GNB1: variants seen among roughly 807,000 people sequenced by gnomAD.
GNB1 encodes G protein subunit beta 1.
In GNB1, 2 loss-of-function variants were observed where a neutral mutation model predicts 42.9. The ratio of observed to expected loss-of-function variants is 0.05; its 90% CI spans 0.02 to 0.15. The LOEUF is 0.15. Ranked by LOEUF, GNB1 falls within the 10% of genes least tolerant of loss-of-function variation. The pLI is 1.00. For synonymous variants in GNB1, 183 were observed against 174.7 expected (o/e 1.05, Z -0.38); for missense variants, 193 against 462.2 (o/e 0.42, Z 5.34).
intron 3 of GNB1, among the ~76,000 whole-genome samples, chr1:1,819,995 G>A (rs1646909695): frequency 6.6e-6 from 1 of 152,146 alleles, no homozygotes; most frequent in South Asian, 2.1e-4. Flanking sequence ...CAGGCTTTTG[G>A]GGCAAACTGC....
chr1:1,804,530 G>A lies in GNB1; in HGVS notation c.319C>T (p.Pro107Ser). Residue 107 changes from proline (P) to serine (S), a missense_variant, in exon 7 of 12, where the codon CCT becomes TCT. Physicochemically the swap from Pro to Ser is moderately conservative, Grantham distance 74. Coordinates refer to ENST00000378609, the MANE Select transcript of GNB1 (RefSeq NM_002074.5). ...CCGCAGGCCACATAGTTCCCAGAAG[G>A]GGCATATGCACAGGTCATGACCCAG... ...SSWVMTCAYAPSGNYVACGGL... is the reference protein window; with the variant it reads ...SSWVMTCAYASSGNYVACGGL... 6.2e-7 allele frequency: 1 copy of A among 1,613,592 alleles called. No individual in the cohort carries two copies. The highest frequency in any genetic ancestry group is 8.5e-7 in the Non-Finnish European group (1 of 1,179,626).
intron 1 of GNB1, among the ~76,000 whole-genome samples, chr1:1,869,591 C>T (rs141554517): frequency 5.1e-4 from 78 of 152,278 alleles, no homozygotes; most frequent in Non-Finnish European, 7.4e-4. Flanking sequence ...CAGGAAAAAA[C>T]AAGGAGGTGG....
chr1:1,884,746 G>A (rs547122689), intron 1 of GNB1, among the ~76,000 whole-genome samples: 20 of 151,398 alleles, frequency 1.3e-4, no homozygotes, highest in Admixed American at 3.9e-4. Flanking sequence ...GCAGTGGCGC[G>A]ATCTCCACTC....
In GNB1 at chr1:1,787,209, C is replaced by A; in HGVS notation, c.*9+113G>T. On this transcript the variant is annotated intron_variant, in intron 11 of 11. Coordinates refer to ENST00000378609, the MANE Select transcript of GNB1 (RefSeq NM_002074.5). This position sits in a 1 kb window ranked among gnomAD's most constrained non-coding sequence, Gnocchi z 4.4. ...GTAAACGTTTCCCACAACACAATTC[C>A]AAATCAATGCTACATCAACATTTAT... 1 of 684,722 alleles carries A rather than the reference C, an allele frequency of 1.5e-6. No individual in the cohort carries two copies. Among genetic ancestry groups the A allele is most frequent in the Non-Finnish European group, 2.6e-6 (1 of 388,426 alleles). The allele number at this position is 684,722 out of a possible 1,614,324, so 42.4% of individuals were successfully genotyped here.
chr1:1,824,956 T>C (rs1367220988), intron 3 of GNB1: 1 of 157,222 alleles, frequency 6.4e-6, no homozygotes, highest in Non-Finnish European at 1.4e-5. Flanking sequence ...CTAGGGAAGA[T>C]CTTTCAAAAT....
chr1:1,880,564 C>A (rs1649788285), intron 1 of GNB1, among the ~76,000 whole-genome samples: 1 of 151,194 alleles, frequency 6.6e-6, no homozygotes, highest in South Asian at 2.1e-4. Flanking sequence ...CCAGCCTGGG[C>A]GACAGAGAGA....
chr1:1,815,738 G>A lies in GNB1; in HGVS notation c.203+18C>T, dbSNP rs749041867. On this transcript the variant is annotated intron_variant, in intron 5 of 11. Coordinates refer to ENST00000378609, the MANE Select transcript of GNB1 (RefSeq NM_002074.5). ...CCCTGAATGTAACAAGCAGCATCCT[G>A]CTCATGCCCACGCCTACCTGGAGTC... The A allele has an allele frequency of 6.7e-6, 9 of 1,341,022 alleles. No individual in the cohort carries two copies. The highest frequency in any genetic ancestry group is 9.7e-6 in the Non-Finnish European group (9 of 930,984). The allele number at this position is 1,341,022 out of a possible 1,614,324, so 83.1% of individuals were successfully genotyped here.
chr1:1,796,654 C>T (rs922212900), intron 7 of GNB1, among the ~76,000 whole-genome samples: 4 of 152,332 alleles, frequency 2.6e-5, no homozygotes, highest in African/African-American at 9.6e-5. Flanking sequence ...TGTGCTGCCA[C>T]CCTCTGGAAG....
Position 1,803,811 on chromosome 1 carries a change from G to A in GNB1, c.430+608C>T, listed in dbSNP as rs113777503. Among the ~76,000 whole-genome samples, 76 of 151,870 alleles carry A rather than the reference G, an allele frequency of 5.0e-4. 2 individuals carry two copies. The highest frequency in any genetic ancestry group is 3.4e-3 in the Middle Eastern group (1 of 294). On this transcript the variant is annotated intron_variant, in intron 7 of 11. Coordinates refer to ENST00000378609, the MANE Select transcript of GNB1 (RefSeq NM_002074.5). Reference sequence around the variant, plus strand: ...AGCCTGGCCAATACAGCAAAACCCCGCCTCTACTAAAAATACAAAAATTAG... The same window carrying A: ...AGCCTGGCCAATACAGCAAAACCCCACCTCTACTAAAAATACAAAAATTAG...
rs560214051 is a variant in GNB1, at chr1:1,804,447, G to A, written c.402C>T (p.Arg134=). The change falls in exon 7 of 12, where the codon CGC becomes CGT. Residue 134 remains arginine (R), a synonymous_variant. Coordinates refer to ENST00000378609, the MANE Select transcript of GNB1 (RefSeq NM_002074.5). The part of the protein sequence containing the change: ...YNLKTREGNV[R]VSRELAGHTG... ...TGTGTCCTGCCAGCTCACGACTCAC[G>A]CGCACGTTCCCCTCACGAGTTTTCA... is the stretch of plus-strand genomic sequence containing the variant. 3.2e-5 allele frequency: 52 copies of A among 1,613,692 alleles called. 1 individual carries two copies. The highest frequency in any genetic ancestry group is 2.8e-4 in the Admixed American group (17 of 59,994).
chr1:1,835,023 G>A (rs1168534278), intron 2 of GNB1, among the ~76,000 whole-genome samples: 1 of 152,144 alleles, frequency 6.6e-6, no homozygotes, highest in Admixed American at 6.5e-5. Context: ...AAAGACTGCT[G>A]TGTGCCATGC....
rs755834627 is a variant in GNB1, at chr1:1,787,162, G to A, written c.*10-109C>T. ...TCACTGCATGAGTGTCTGCAGCTGA[G>A]GGCACGTGACTTCAGCTTTCTGTAA... On this transcript the variant is annotated intron_variant, in intron 11 of 11. Transcript: ENST00000378609. This position sits in a 1 kb window ranked among gnomAD's most constrained non-coding sequence, Gnocchi z 4.4. 1.3e-5 allele frequency: 7 copies of A among 552,100 alleles called. No homozygotes were observed. The highest frequency in any genetic ancestry group is 2.3e-5 in the Non-Finnish European group (7 of 305,296). 34.2% of individuals were successfully genotyped at this position (552,100 alleles called of 1,614,324 possible). A position where few individuals can be genotyped will look rare whatever the true frequency, so the allele number is the denominator to read the frequency against.
chr1:1,791,789 C>T (rs1008893234), intron 8 of GNB1, among the ~76,000 whole-genome samples: 5 of 152,050 alleles, frequency 3.3e-5, no homozygotes, highest in South Asian at 2.1e-4. Flanking sequence ...AAGCAAGATA[C>T]GTAAAAGAGT....
At chr1:1,824,665 C>T (rs542573660) in intron 3 of GNB1, among the ~76,000 whole-genome samples, 8 of 152,106 alleles carry the variant, frequency 5.3e-5, no homozygotes, top group Non-Finnish European at 7.4e-5. Flanking sequence ...CTCTGCCTCC[C>T]GGGTTCAAGG....
intron 1 of GNB1, among the ~76,000 whole-genome samples, chr1:1,889,007 T>A (rs1260869016): frequency 2.6e-5 from 4 of 152,182 alleles, no homozygotes; most frequent in South Asian, 2.1e-4. Context: ...TTTCTTGATA[T>A]ACATACCTTC....
rs187607958 is a variant in GNB1, at chr1:1,823,578, A to C, written c.57+1819T>G. Among the ~76,000 whole-genome samples, 7 of 152,336 alleles carry C rather than the reference A, an allele frequency of 4.6e-5. No homozygotes were observed. In the East Asian group the frequency reaches 1.3e-3, roughly 29 times the overall value. ...GGACATGTTAAACAAGTCTGATCAG[A>C]GCAAACTATTAAAAAAATCTAAGTC... On this transcript the variant is annotated intron_variant, in intron 3 of 11. Coordinates refer to ENST00000378609, the MANE Select transcript of GNB1 (RefSeq NM_002074.5).
At chr1:1,829,560 C>T (rs541449707) in intron 2 of GNB1, among the ~76,000 whole-genome samples, 6 of 152,210 alleles carry the variant, frequency 3.9e-5, no homozygotes, top group African/African-American at 1.4e-4. Flanking sequence ...AACCAGGTGC[C>T]AGGAAGAGCG....
intron 2 of GNB1, chr1:1,832,120 A>C (rs546722318): frequency 1.3e-5 from 2 of 152,268 alleles, no homozygotes; most frequent in African/African-American, 4.8e-5. Flanking sequence ...AAAGAAAGAT[A>C]GAATAGCATT....
intron 1 of GNB1, among the ~76,000 whole-genome samples, chr1:1,867,526 T>G (rs1398976120): frequency 2.6e-5 from 4 of 152,238 alleles, no homozygotes; most frequent in Non-Finnish European, 5.9e-5. Flanking sequence ...TTGTCTGTCT[T>G]AAATATTTGG....
Sources: allele counts gnomAD v4.1 joint callset (sites outside exome capture counted in the v4.1 genomes callset), GRCh38; gene constraint gnomAD v4.1.1; non-coding constraint Gnocchi (gnomAD v3.1); transcripts MANE v1.5; gene names NCBI Gene and HGNC (gene_info 2026-07-23, HGNC 2026-07-21).